Variants in SPECC1 observed in about 807,000 individuals in gnomAD.
SPECC1 encodes the protein cytospin-B.
Under a neutral mutation model 104.1 loss-of-function variants are expected in SPECC1, and 62 were observed. The ratio of observed to expected loss-of-function variants is 0.60; its 90% CI spans 0.49 to 0.74. SPECC1 has a LOEUF of 0.74. Ranked by LOEUF, SPECC1 falls within the 30% of genes least tolerant of loss-of-function variation. The pLI, the probability that SPECC1 is intolerant of heterozygous loss-of-function variation, is 0.00. For missense variants in SPECC1, 1,306 were observed against 1,310.5 expected (o/e 1.00, Z 0.05); for synonymous variants, 513 against 501.6 (o/e 1.02, Z -0.30).
intron 1 of SPECC1, among the ~76,000 whole-genome samples, chr17:20,037,841 TTTGTTAAGGAAGGGTATAA>T (rs1398945690): frequency 6.6e-6 from 1 of 152,206 alleles, no homozygotes; most frequent in African/African-American, 2.4e-5. Context: ...GTCGTTTTTA[TTTGTTAAGGAAGGGTATAA>T]TTACCTTATC....
intron 12 of SPECC1, among the ~76,000 whole-genome samples, chr17:20,276,256 A>G (rs1187142565): frequency 6.6e-6 from 1 of 152,014 alleles, no homozygotes; most frequent in Non-Finnish European, 1.5e-5. Context: ...AGCTGGGTCT[A>G]CAGGTACATG....
At chr17:20,180,424 T>C (rs992377231) in intron 3 of SPECC1, among the ~76,000 whole-genome samples, 1 of 152,192 alleles carries the variant, frequency 6.6e-6, no homozygotes, top group Admixed American at 6.5e-5. Context: ...ACCAAAAATA[T>C]AAAGTATAAC....
At chr17:20,010,430 T>C (rs1408325878) in intron 1 of SPECC1, among the ~76,000 whole-genome samples, 1 of 152,176 alleles carries the variant, frequency 6.6e-6, no homozygotes, top group Non-Finnish European at 1.5e-5. Context: ...GATTCTGTTA[T>C]CCAGTTCCAA....
intron 3 of SPECC1, chr17:20,156,353 C>T (rs2032523907): frequency 1.8e-6 from 2 of 1,140,316 alleles, no homozygotes; most frequent in African/African-American, 1.6e-5. Flanking sequence ...GGCTAAGGTC[C>T]TGGGGTGTGA....
In SPECC1 at chr17:20,306,024, A is replaced by G; in HGVS notation, c.3059A>G (p.Lys1020Arg). Residue 1020 changes from lysine to arginine, a missense_variant and splice_region_variant, in exon 14 of 15, where the codon AAG becomes AGG. Around this residue, in one of 2 missense-constraint regions of SPECC1, gnomAD observed 129 missense variants for 170.6 expected, o/e 0.76. Transcript: ENST00000395527. ...AGTCTCTTTGTCTTTTTAACTTAGA[A>G]GAGGAATCTCTTGTTGGCATTTGAA... The part of the protein sequence containing the change: ...PYQELNSQEK[K>R]RNLLLAFEAA... The G allele has an allele frequency of 6.2e-7, 1 of 1,613,810 alleles. No homozygotes were observed. Among genetic ancestry groups the G allele is most frequent in the Non-Finnish European group, 8.5e-7 (1 of 1,179,914 alleles).
chr17:20,220,219 G>A (rs1221018539), intron 4 of SPECC1, among the ~76,000 whole-genome samples: 1 of 152,122 alleles, frequency 6.6e-6, no homozygotes, highest in African/African-American at 2.4e-5. Context: ...AATGTCATTG[G>A]TATTTTGATA....
chr17:20,236,983 T>C (rs2038953117), intron 7 of SPECC1: 1 of 1,579,066 alleles, frequency 6.3e-7, no homozygotes, highest in Non-Finnish European at 8.6e-7. Flanking sequence ...AAATTGCCTC[T>C]TTATAAAGAG....
chr17:20,022,232 T>C (rs1236984691), intron 1 of SPECC1, among the ~76,000 whole-genome samples: 1 of 152,176 alleles, frequency 6.6e-6, no homozygotes, highest in Non-Finnish European at 1.5e-5. Flanking sequence ...TGAGCCACTG[T>C]GCCCGGCAGC....
intron 2 of SPECC1, among the ~76,000 whole-genome samples, chr17:20,104,891 A>G (rs1342230133): frequency 1.3e-5 from 2 of 151,926 alleles, no homozygotes; most frequent in Non-Finnish European, 2.9e-5. Context: ...CTCCTTCCAA[A>G]GGAGGATTTA....
chr17:20,068,091 A>G (rs1170660190), intron 1 of SPECC1, among the ~76,000 whole-genome samples: 2 of 151,768 alleles, frequency 1.3e-5, no homozygotes, highest in African/African-American at 2.4e-5. Flanking sequence ...TCAGCCTCCC[A>G]AGTAGCTGGG....
intron 3 of SPECC1, among the ~76,000 whole-genome samples, chr17:20,123,765 G>T (rs966099630): frequency 2.0e-5 from 3 of 152,096 alleles, no homozygotes; most frequent in African/African-American, 4.8e-5. Flanking sequence ...TACTATTACC[G>T]GTGACTAGCA....
intron 3 of SPECC1, among the ~76,000 whole-genome samples, chr17:20,187,322 A>G (rs2035348909): frequency 2.0e-5 from 3 of 152,110 alleles, no homozygotes; most frequent in Admixed American, 2.0e-4. Flanking sequence ...TCTTTAGCTA[A>G]TTCCCACTTT....
chr17:20,254,074 T>G (rs2039731018), intron 10 of SPECC1, among the ~76,000 whole-genome samples: 1 of 152,024 alleles, frequency 6.6e-6, no homozygotes. Context: ...CTGCAATTCT[T>G]AAAATTTGCC....
At chr17:20,153,438 T>G (rs2032193686) in intron 3 of SPECC1, among the ~76,000 whole-genome samples, 1 of 152,208 alleles carries the variant, frequency 6.6e-6, no homozygotes, top group Admixed American at 6.5e-5. Flanking sequence ...CAGATTTGCA[T>G]TTTTGATAAT....
At position 20,297,057 on chromosome 17, in the gene SPECC1, G is replaced by C. The variant is rs1466210382; in HGVS notation, c.3037G>C (p.Glu1013Gln). The change falls in exon 13 of 15, where the codon GAG (glutamate) becomes CAG (glutamine). Residue 1013 changes from glutamate (E) to glutamine (Q), a missense_variant. Coordinates refer to ENST00000395527, the MANE Select transcript of SPECC1 (RefSeq NM_001243439.2). ...TYLPAHIPYQ[E>Q]LNSQEKKRNL... ...CCTGCCTGCCCACATCCCCTACCAGGAGCTGAATAGTCAGGAGAAAGTAAG... is the reference window on the plus strand; with the variant it reads ...CCTGCCTGCCCACATCCCCTACCAGCAGCTGAATAGTCAGGAGAAAGTAAG... 1 of 1,614,088 alleles carries C rather than the reference G, an allele frequency of 6.2e-7. No homozygotes were observed. The highest frequency in any genetic ancestry group is 2.2e-5 in the East Asian group (1 of 44,886).
At chr17:20,032,675 ACTTTC>A (rs1053422103) in intron 1 of SPECC1, among the ~76,000 whole-genome samples, 5 of 151,838 alleles carry the variant, frequency 3.3e-5, no homozygotes, top group African/African-American at 1.2e-4. Flanking sequence ...TTGTTATGAT[ACTTTC>A]CTTTCCTTTT....
intron 1 of SPECC1, among the ~76,000 whole-genome samples, chr17:20,023,007 C>A (rs2044455491): frequency 6.6e-6 from 1 of 152,174 alleles, no homozygotes; most frequent in Admixed American, 6.5e-5. Context: ...CGGCTCATTC[C>A]TTTTTGCCAA....
At chr17:20,197,476 A>G (rs1350334144) in intron 3 of SPECC1, among the ~76,000 whole-genome samples, 2 of 149,796 alleles carry the variant, frequency 1.3e-5, no homozygotes, top group African/African-American at 4.9e-5. Context: ...AAAGTGCAAA[A>G]CCCTGGCTTC....
At chr17:20,302,901 A>C (rs2041637541) in intron 13 of SPECC1, among the ~76,000 whole-genome samples, 1 of 149,928 alleles carries the variant, frequency 6.7e-6, no homozygotes, top group Non-Finnish European at 1.5e-5. Flanking sequence ...AAAAAAAAAA[A>C]AAGAGGAAAG....
Sources: gnomAD v4.1 joint callset for allele counts (sites outside exome capture counted in the v4.1 genomes callset) on GRCh38, gnomAD v4.1.1 for gene constraint, gnomAD v4.1.1 regional missense constraint, MANE v1.5 for transcripts, NCBI Gene and HGNC (gene_info 2026-07-23, HGNC 2026-07-21) for gene names.